The following PCDHA2 variants were observed in gnomAD, a reference collection of about 807,000 sequenced individuals.
PCDHA2 encodes the protein protocadherin alpha-2.
Under a neutral mutation model 66.0 loss-of-function variants are expected in PCDHA2, and 58 were observed. The observed-to-expected ratio is 0.88, with a 90% CI of 0.71 to 1.09. PCDHA2 has a LOEUF of 1.09. Ranked by LOEUF, PCDHA2 falls within the 50% of genes least tolerant of loss-of-function variation. The pLI, the probability that PCDHA2 is intolerant of heterozygous loss-of-function variation, is 0.00. For synonymous variants in PCDHA2, 634 were observed against 554.0 expected (o/e 1.14, Z -2.03); for missense variants, 1,267 against 1,242.3 (o/e 1.02, Z -0.30).
intron 1 of PCDHA2, among the ~76,000 whole-genome samples, chr5:140,907,719 C>A (rs2153502555): frequency 1.3e-5 from 2 of 152,330 alleles, no homozygotes; most frequent in South Asian, 4.1e-4. Flanking sequence ...CCATGTGTAA[C>A]CTCCATCCCT....
At chr5:140,907,720 C>T (rs1554193113) in intron 1 of PCDHA2, among the ~76,000 whole-genome samples, 1 of 152,208 alleles carries the variant, frequency 6.6e-6, no homozygotes, top group Non-Finnish European at 1.5e-5. Context: ...CATGTGTAAC[C>T]TCCATCCCTG....
intron 1 of PCDHA2, among the ~76,000 whole-genome samples, chr5:140,821,120 T>C (rs1424425591): frequency 6.6e-5 from 10 of 152,074 alleles, no homozygotes; most frequent in African/African-American, 1.7e-4. Context: ...AACAGTGAAA[T>C]TGGAATAAAA....
chr5:140,876,967 G>A (rs200960356), intron 1 of PCDHA2: 7 of 1,612,934 alleles, frequency 4.3e-6, no homozygotes, highest in African/African-American at 2.7e-5. Context: ...GGAGCGGCGG[G>A]TGGGCGAGCA....
At chr5:140,987,963 T>C (rs2097275753) in intron 3 of PCDHA2, among the ~76,000 whole-genome samples, 1 of 152,190 alleles carries the variant, frequency 6.6e-6, no homozygotes, top group Non-Finnish European at 1.5e-5. Context: ...CAACTCCCCA[T>C]GGAAAGACTC....
intron 3 of PCDHA2, among the ~76,000 whole-genome samples, chr5:141,008,053 C>T (rs1554261648): frequency 6.6e-6 from 1 of 152,056 alleles, no homozygotes; most frequent in African/African-American, 2.4e-5. Context: ...AACAGGGGTC[C>T]AGTCCATCTA....
chr5:140,836,238 A>C (rs1774313279), intron 1 of PCDHA2: 1 of 1,613,700 alleles, frequency 6.2e-7, no homozygotes, highest in Admixed American at 1.7e-5. Context: ...GGCCGGTGCG[A>C]GCATCCCGTT....
chr5:140,850,322 C>G lies in PCDHA2; in HGVS notation c.2388+52970C>G, dbSNP rs2150479524. 264 of 1,597,382 alleles carry G rather than the reference C, an allele frequency of 1.7e-4. 27 individuals are homozygous for G. The highest frequency in any genetic ancestry group is 2.2e-4 in the Non-Finnish European group (252 of 1,167,724). ...CGGGCTACAACGCGTGGCTTTCATA[C>G]GAGCTGCAGCCAGAAACGGCCAGCG... On this transcript the variant is annotated intron_variant, in intron 1 of 3. Coordinates refer to ENST00000526136, the MANE Select transcript of PCDHA2 (RefSeq NM_018905.3).
intron 1 of PCDHA2, chr5:140,822,231 G>T (rs1328345342): frequency 5.0e-6 from 8 of 1,614,118 alleles, no homozygotes; most frequent in Middle Eastern, 1.6e-4. Flanking sequence ...CGCGGTTTCC[G>T]CTAGAGGGCG....
At chr5:141,007,395 CAAAAAAAA>C (rs35800918) in intron 3 of PCDHA2, among the ~76,000 whole-genome samples, 98 of 94,844 alleles carry the variant, frequency 1.0e-3, no homozygotes, top group African/African-American at 2.9e-3. Context: ...TACTAAAATA[CAAAAAAAA>C]AAAAAAAAAA....
chr5:140,796,749 C>A lies in PCDHA2; in HGVS notation c.1785C>A (p.Arg595=). The part of the protein sequence containing the change: ...VGAGHVVAKV[R]AVDADSGYNA... ...CAGGGCACGTGGTGGCGAAGGTGCGCGCAGTGGACGCTGACTCAGGCTACA... is the reference window on the plus strand; with the variant it reads ...CAGGGCACGTGGTGGCGAAGGTGCGAGCAGTGGACGCTGACTCAGGCTACA... Residue 595 remains arginine (R), a synonymous_variant, in exon 1 of 4, where the codon CGC becomes CGA. Coordinates refer to ENST00000526136, the MANE Select transcript of PCDHA2 (RefSeq NM_018905.3). 1.2e-6 allele frequency: 2 copies of A among 1,614,118 alleles called. No individual in the cohort carries two copies.
rs2150493815 is a variant in PCDHA2 at position 140,850,683 on chromosome 5, G to A, written c.2388+53331G>A. 6 of 1,598,480 alleles carry A rather than the reference G, an allele frequency of 3.8e-6. No individual in the cohort carries two copies. The East Asian group carries it at 1.1e-4, about 30-fold the overall frequency. On this transcript the variant is annotated intron_variant, in intron 1 of 3. Coordinates refer to ENST00000526136, the MANE Select transcript of PCDHA2 (RefSeq NM_018905.3). ...GCGGTGCTCGGCGATGCCCACCGAG[G>A]GCGAGTGCGCGCCTGGCAAGCCGAC...
chr5:140,967,628 T>C (rs1341456967), intron 1 of PCDHA2: 3 of 1,613,984 alleles, frequency 1.9e-6, no homozygotes, highest in Non-Finnish European at 2.5e-6. Context: ...GGATGAGGGC[T>C]CCAATGGTGA....
intron 1 of PCDHA2, chr5:140,851,368 A>T: frequency 1.0e-6 from 1 of 976,356 alleles, no homozygotes; most frequent in Non-Finnish European, 1.2e-6. Flanking sequence ...TGAACATCTG[A>T]TTGTTCAGCA....
chr5:140,837,119 A>G (rs1472811224), intron 1 of PCDHA2: 1 of 156,890 alleles, frequency 6.4e-6, no homozygotes, highest in Non-Finnish European at 1.4e-5. Flanking sequence ...ATGTTACCTA[A>G]TATTTTATTC....
chr5:141,009,021 G>A (rs997779963), intron 3 of PCDHA2, among the ~76,000 whole-genome samples: 1 of 152,246 alleles, frequency 6.6e-6, no homozygotes, highest in Non-Finnish European at 1.5e-5. Context: ...TTTAGGCTCT[G>A]TATTTCCCAT....
At chr5:140,957,109 T>C (rs2095334016) in intron 1 of PCDHA2, among the ~76,000 whole-genome samples, 1 of 152,174 alleles carries the variant, frequency 6.6e-6, no homozygotes, top group Non-Finnish European at 1.5e-5. Context: ...ATGGACATGA[T>C]TCTGTGTGTT....
rs564683374 is a variant in PCDHA2 at position 140,850,519 on chromosome 5, C to A, written c.2388+53167C>A. 1.1e-5 allele frequency: 17 copies of A among 1,598,126 alleles called. 1 individual carries two copies. Among genetic ancestry groups the A allele is most frequent in the Admixed American group, 1.7e-5 (1 of 59,294 alleles). On this transcript the variant is annotated intron_variant, in intron 1 of 3. Coordinates refer to ENST00000526136, the MANE Select transcript of PCDHA2 (RefSeq NM_018905.3). ...GTGTCGCTGGTGGAGAGCGGCCAGG[C>A]GCCAAAGTCATCGTCGCGGGCGTCA...
chr5:140,826,634 T>TTA (rs1768995547), intron 1 of PCDHA2, among the ~76,000 whole-genome samples: 4 of 152,118 alleles, frequency 2.6e-5, no homozygotes, highest in Admixed American at 2.6e-4. Flanking sequence ...GCCCTGACTT[T>TTA]TATATGAAGG....
At chr5:140,940,717 G>T (rs1554213570) in intron 1 of PCDHA2, among the ~76,000 whole-genome samples, 1 of 152,130 alleles carries the variant, frequency 6.6e-6, no homozygotes, top group African/African-American at 2.4e-5. Flanking sequence ...GCTGTGTGCT[G>T]TTTCAGCTGG....
Sources: gnomAD v4.1 joint callset for allele counts (sites outside exome capture counted in the v4.1 genomes callset) on GRCh38, gnomAD v4.1.1 for gene constraint, MANE v1.5 for transcripts, NCBI Gene and HGNC (gene_info 2026-07-23, HGNC 2026-07-21) for gene names.